The following DCTN1 variants were observed in gnomAD, a reference collection of about 807,000 sequenced individuals.
DCTN1 encodes dynactin subunit 1, also known as 150 kDa dynein-associated polypeptide.
DCTN1 carries 61 observed loss-of-function variants against 161.2 expected under a neutral mutation model. The observed-to-expected ratio is 0.38, with a 90% CI of 0.31 to 0.47. The LOEUF (loss-of-function observed/expected upper bound fraction) is 0.47. DCTN1 is among the 20% of genes least tolerant of loss of function. The probability of loss-of-function intolerance (pLI) is 0.99; values close to 1 mark genes in which losing one functional copy is unlikely to be tolerated. For synonymous variants in DCTN1, 653 were observed against 632.4 expected, an observed-to-expected ratio of 1.03 and a Z score of -0.49; for missense variants, 1,404 against 1,623.7, an observed-to-expected ratio of 0.86 and a Z score of 2.33.
chr2:74,379,989 G>A lies in DCTN1; in HGVS notation c.33+16C>T. ...CCAGCAGCCCTCCAGGGCCATCCCAGATTAGGGCCACTTACCCGGCTGTAC... is the reference window on the plus strand; with the variant it reads ...CCAGCAGCCCTCCAGGGCCATCCCAAATTAGGGCCACTTACCCGGCTGTAC... On this transcript the variant is annotated intron_variant, in intron 1 of 31. Coordinates refer to ENST00000628224, the MANE Select transcript of DCTN1 (RefSeq NM_004082.5). 6.2e-7 allele frequency: 1 copy of A among 1,613,984 alleles called. No homozygotes were observed. Among genetic ancestry groups the A allele is most frequent in the Non-Finnish European group, 8.5e-7 (1 of 1,179,856 alleles).
chr2:74,371,294 C>G, intron 8 of DCTN1, 118 bp from the exon 9 acceptor site: 6 of 1,595,408 alleles, frequency 3.8e-6, no homozygotes, highest in Non-Finnish European at 4.3e-6. Flanking sequence ...GGGTGGCCAA[C>G]AGTCAGTGGC....
At chr2:74,364,975 C>T in intron 26 of DCTN1, 100 bp downstream of exon 26, 1 of 1,480,328 alleles carries the variant, frequency 6.8e-7, no homozygotes, top group Non-Finnish European at 9.4e-7. Flanking sequence ...TGGCTGAATA[C>T]CCGGGGGTAA....
At chr2:74,391,750 G>A (rs1425578470) in intron 1 of DCTN1, 6 of 452,186 alleles carry the variant, frequency 1.3e-5, no homozygotes, top group Non-Finnish European at 2.2e-5. Context: ...CGAACACGTA[G>A]GGGGCCGGCG....
At chr2:74,376,635 GC>G (rs1675242422) in intron 5 of DCTN1, 106 bp downstream of exon 5, 3 of 1,132,376 alleles carry the variant, frequency 2.6e-6, no homozygotes. Context: ...GGCCATCCCA[GC>G]CCAAGGTCAC....
chr2:74,378,142 T>G lies in DCTN1; in HGVS notation c.137A>C (p.Tyr46Ser). ...IGKGHRGTVA[Y>S]VGATLFATGK... ...AGTGGCAAACAGTGTGGCTCCAACATAGGCCACAGTGCCTCGGTGGCCTTT... is the reference window on the plus strand; with the variant it reads ...AGTGGCAAACAGTGTGGCTCCAACAGAGGCCACAGTGCCTCGGTGGCCTTT... Residue 46 changes from tyrosine to serine, a missense_variant, in exon 2 of 32, where the codon TAT becomes TCT. Transcript: ENST00000628224. The G allele has an allele frequency of 6.2e-7, 1 of 1,614,258 alleles. No homozygotes were observed. Among genetic ancestry groups the G allele is most frequent in the Non-Finnish European group, 8.5e-7 (1 of 1,180,054 alleles).
At chr2:74,366,210 C>T (rs779423676) in intron 23 of DCTN1, 34 bp downstream of exon 23, 2 of 1,613,872 alleles carry the variant, frequency 1.2e-6, no homozygotes, top group Non-Finnish European at 1.7e-6. Context: ...CTCCTACAGG[C>T]CTCTGCAACT....
intron 1 of DCTN1, among the ~76,000 whole-genome samples, chr2:74,386,342 T>A (rs1453569733): frequency 1.3e-5 from 2 of 152,220 alleles, no homozygotes; most frequent in Non-Finnish European, 2.9e-5. Flanking sequence ...TATGCCTCAA[T>A]TTCCTCTTCT....
intron 29 of DCTN1, 87 bp downstream of exon 29, chr2:74,362,907 G>A: frequency 1.3e-6 from 2 of 1,484,450 alleles, no homozygotes; most frequent in African/African-American, 1.4e-5. Context: ...AGCTTCTGTG[G>A]TGGGGGAACC....
chr2:74,371,954 G>C, intron 7 of DCTN1: 1 of 559,698 alleles, frequency 1.8e-6, no homozygotes, highest in Non-Finnish European at 3.2e-6. Flanking sequence ...GATGGAGGCA[G>C]AGGAGAGAGG....
Position 74,378,201 on chromosome 2 carries a change from A to G in DCTN1, c.78T>C (p.Pro26=). 3 of 1,612,776 alleles carry G rather than the reference A, an allele frequency of 1.9e-6. No individual in the cohort carries two copies. Among genetic ancestry groups the G allele is most frequent in the Non-Finnish European group, 2.5e-6 (3 of 1,180,032 alleles). The part of the protein sequence containing the change: ...SRMSAEASAR[P]LRVGSRVEVI... ...CCTCTACACGGGAGCCCACCCGCAGAGGCCGGGCGCTTGCCTCCGCACTCA... is the reference window on the plus strand; with the variant it reads ...CCTCTACACGGGAGCCCACCCGCAGGGGCCGGGCGCTTGCCTCCGCACTCA... The change falls in exon 2 of 32, where the codon CCT becomes CCC. Residue 26 remains proline, a synonymous_variant. Transcript: ENST00000628224.
chr2:74,391,825 G>A (rs777620309), exon 1 of DCTN1: 14 of 453,734 alleles, frequency 3.1e-5, no homozygotes, highest in African/African-American at 2.4e-4. Flanking sequence ...GCCCAGCTCC[G>A]ACCCCACCGA....
rs1469845563 is a variant in DCTN1, at chr2:74,379,986, C to T, written c.33+19G>A. 1 of 1,613,938 alleles carries T rather than the reference C, an allele frequency of 6.2e-7. No individual in the cohort carries two copies. The highest frequency in any genetic ancestry group is 1.3e-5 in the African/African-American group (1 of 75,042). On this transcript the variant is annotated intron_variant, in intron 1 of 31. Coordinates refer to ENST00000628224, the MANE Select transcript of DCTN1 (RefSeq NM_004082.5). Reference sequence around the variant, plus strand: ...TCCCCAGCAGCCCTCCAGGGCCATCCCAGATTAGGGCCACTTACCCGGCTG... The same window carrying T: ...TCCCCAGCAGCCCTCCAGGGCCATCTCAGATTAGGGCCACTTACCCGGCTG...
chr2:74,382,282 G>A (rs1321620574), upstream of DCTN1, among the ~76,000 whole-genome samples: 1 of 152,140 alleles, frequency 6.6e-6, no homozygotes, highest in Non-Finnish European at 1.5e-5. Context: ...GTATCATGAG[G>A]TTCAAAAAAG....
chr2:74,370,034 C>A lies in DCTN1; in HGVS notation c.1323G>T (p.Glu441Asp). The change falls in exon 13 of 32, where the codon GAG (glutamate) becomes GAT (aspartate). Residue 441 changes from glutamate (E) to aspartate (D), a missense_variant. Coordinates refer to ENST00000628224, the MANE Select transcript of DCTN1 (RefSeq NM_004082.5). This position sits in a 1 kb window ranked among gnomAD's most constrained non-coding sequence, Gnocchi z 4.4. ...DAALGAEEMV[E>D]MLTDRNLNLE... The stretch of plus-strand genomic sequence containing the variant: ...GATTCAGGTTCCGATCTGTCAGCAT[C>A]TCCACCATCTCCTCAGCACCCAGAG... 1 of 1,614,230 alleles carries A rather than the reference C, an allele frequency of 6.2e-7. No homozygotes were observed. The highest frequency in any genetic ancestry group is 8.5e-7 in the Non-Finnish European group (1 of 1,180,044).
chr2:74,362,722 C>T lies in DCTN1; in HGVS notation c.3537G>A (p.Lys1179=), dbSNP rs148146325. 3.7e-6 allele frequency: 6 copies of T among 1,613,842 alleles called. No homozygotes were observed. Among genetic ancestry groups the T allele is most frequent in the Non-Finnish European group, 5.1e-6 (6 of 1,179,994 alleles). The change falls in exon 30 of 32, where the codon AAG becomes AAA. Residue 1179 remains lysine (K), a synonymous_variant. Coordinates refer to ENST00000628224, the MANE Select transcript of DCTN1 (RefSeq NM_004082.5). The part of the protein sequence containing the change: ...VDITRTSPAA[K]SPSAQLMEQV... The stretch of plus-strand genomic sequence containing the variant: ...GCTCCATAAGTTGGGCCGACGGGCT[C>T]TTGGCAGCTGTGGGGAGAGAAAGCT...
chr2:74,362,824 A>G, intron 29 of DCTN1, 95 bp from the exon 30 acceptor site: 1 of 1,345,908 alleles, frequency 7.4e-7, no homozygotes, highest in Non-Finnish European at 1.0e-6. Flanking sequence ...ACTCTCTAAC[A>G]GAACAAGTAC....
upstream of DCTN1, among the ~76,000 whole-genome samples, chr2:74,384,447 T>C (rs1675642224): frequency 6.6e-6 from 1 of 152,244 alleles, no homozygotes; most frequent in Non-Finnish European, 1.5e-5. Flanking sequence ...AGACACCTCT[T>C]GGATTTCTAA....
At chr2:74,374,365 A>C (rs1387292442) in intron 5 of DCTN1, 25 bp from the exon 6 acceptor site, 1 of 1,613,246 alleles carries the variant, frequency 6.2e-7, no homozygotes, top group Non-Finnish European at 8.5e-7. Flanking sequence ...CAGAAAACCA[A>C]AGAAAGCAAG....
intron 26 of DCTN1, chr2:74,363,996 C>T (rs765336771): frequency 1.2e-5 from 4 of 337,324 alleles, no homozygotes; most frequent in Non-Finnish European, 2.2e-5. Context: ...ATGTCTGCAC[C>T]CTTAGTGCTC....
Sources: gnomAD v4.1 joint callset for allele counts (sites outside exome capture counted in the v4.1 genomes callset) on GRCh38, gnomAD v4.1.1 for gene constraint, Gnocchi (gnomAD v3.1) non-coding constraint, MANE v1.5 for transcripts, NCBI Gene and HGNC (gene_info 2026-07-23, HGNC 2026-07-21) for gene names.